CYFIP2: variants seen among roughly 807,000 people sequenced by gnomAD.
CYFIP2 encodes cytoplasmic FMR1 interacting protein 2.
CYFIP2 carries 29 observed loss-of-function variants against 158.7 expected under a neutral mutation model. That is an observed-to-expected ratio of 0.18 (90% CI 0.14 to 0.25). The LOEUF is 0.25. CYFIP2 is among the 10% of genes least tolerant of loss of function. The pLI is 1.00. For missense variants in CYFIP2, 852 were observed against 1,639.5 expected (o/e 0.52, Z 8.29); for synonymous variants, 585 against 617.6 (o/e 0.95, Z 0.78).
intron 1 of CYFIP2, among the ~76,000 whole-genome samples, chr5:157,272,712 A>G (rs1756209814): frequency 6.6e-6 from 1 of 152,132 alleles, no homozygotes; most frequent in African/African-American, 2.4e-5. Flanking sequence ...GAAGAGCTCT[A>G]TTTTAACCTA....
intron 22 of CYFIP2, among the ~76,000 whole-genome samples, chr5:157,339,691 A>G (rs934855850): frequency 6.6e-6 from 1 of 152,220 alleles, no homozygotes; most frequent in Non-Finnish European, 1.5e-5. Context: ...TAACAGTACC[A>G]CCTATTCCAG....
At position 157,393,761 on chromosome 5, in the gene CYFIP2, G is replaced by A. The variant is rs1561798270; in HGVS notation, c.*761G>A. The A allele has an allele frequency of 6.6e-6, 1 of 152,220 alleles. No individual in the cohort carries two copies. Among genetic ancestry groups the A allele is most frequent in the South Asian group, 2.1e-4 (1 of 4,828 alleles). 9.4% of individuals were successfully genotyped at this position (152,220 alleles called of 1,614,324 possible). On this transcript the variant is annotated 3_prime_UTR_variant, in exon 31 of 31. Coordinates refer to ENST00000620254, the MANE Select transcript of CYFIP2 (RefSeq NM_001037333.3). ...CATCTCAGCTGCTTGATGGTGAGAT[G>A]GTTCCCTTATTCCTTCAGGAAAGGC...
chr5:157,273,884 C>T (rs1461036757), intron 1 of CYFIP2, among the ~76,000 whole-genome samples: 2 of 152,076 alleles, frequency 1.3e-5, no homozygotes, highest in African/African-American at 4.8e-5. Context: ...TCTGTAACCC[C>T]AGCACTTTGG....
At chr5:157,331,012 A>G (rs1761416238) in intron 20 of CYFIP2, among the ~76,000 whole-genome samples, 162 bp downstream of exon 20, 1 of 152,106 alleles carries the variant, frequency 6.6e-6, no homozygotes, top group Non-Finnish European at 1.5e-5. Flanking sequence ...TCTCATAAAC[A>G]ATAAAGAGGC....
intron 7 of CYFIP2, 129 bp downstream of exon 7, chr5:157,303,019 T>A: frequency 1.4e-6 from 1 of 702,700 alleles, no homozygotes; most frequent in Non-Finnish European, 2.4e-6. Flanking sequence ...CTGCCCTACT[T>A]GAGAGTGAAA....
intron 28 of CYFIP2, 131 bp from the exon 29 acceptor site, chr5:157,389,058 C>T: frequency 1.3e-6 from 1 of 789,794 alleles, no homozygotes; most frequent in Non-Finnish European, 2.0e-6. Flanking sequence ...TTGTGCCCTG[C>T]TCTGAACAAG....
intron 26 of CYFIP2, chr5:157,363,777 A>ATAGGTGC (rs1490881404): frequency 6.6e-6 from 1 of 152,298 alleles, no homozygotes; most frequent in Non-Finnish European, 1.5e-5. Flanking sequence ...CTTGGAGGCA[A>ATAGGTGC]TAGGTGCTTG....
chr5:157,287,178 C>A (rs1052078915), intron 3 of CYFIP2, 70 bp downstream of exon 3: 8 of 1,251,978 alleles, frequency 6.4e-6, no homozygotes, highest in Non-Finnish European at 9.3e-6. Context: ...GGCAGCTTCT[C>A]ACACCAGAGG....
In CYFIP2 at chr5:157,286,964, C is replaced by T. The variant is rs1757443585; in HGVS notation, c.118-55C>T. The T allele has an allele frequency of 5.4e-6, 8 of 1,472,702 alleles. No homozygotes were observed. In the East Asian group the frequency reaches 1.9e-4, roughly 35 times the overall value. The allele number at this position is 1,472,702 out of a possible 1,614,324, so 91.2% of individuals were successfully genotyped here. A position where few individuals can be genotyped will look rare whatever the true frequency, so the allele number is the denominator to read the frequency against. On this transcript the variant is annotated intron_variant, in intron 2 of 30. Coordinates refer to ENST00000620254, the MANE Select transcript of CYFIP2 (RefSeq NM_001037333.3). The stretch of plus-strand genomic sequence containing the variant: ...AGCAGTTTGCCCTCTGGACACCCAG[C>T]CAACTTGGAACTGTTTTCTAACAAC...
Position 157,320,814 on chromosome 5 carries a change from C to T in CYFIP2, c.1671+12C>T. On this transcript the variant is annotated intron_variant, in intron 15 of 30. Coordinates refer to ENST00000620254, the MANE Select transcript of CYFIP2 (RefSeq NM_001037333.3). ...CATCCAGCACACAGGTAAGCGGCTC[C>T]AGGCACAGGCCAGCTGCGTTGACTC... 1 of 1,557,792 alleles carries T rather than the reference C, an allele frequency of 6.4e-7. No individual in the cohort carries two copies. The highest frequency in any genetic ancestry group is 1.4e-5 in the African/African-American group (1 of 73,284).
intron 13 of CYFIP2, among the ~76,000 whole-genome samples, chr5:157,317,249 T>G (rs1368256141): frequency 6.6e-6 from 1 of 152,166 alleles, no homozygotes; most frequent in African/African-American, 2.4e-5. Flanking sequence ...TGGGAGGTTT[T>G]ATCATTTTTA....
At chr5:157,351,461 C>A (rs1763065868) in intron 23 of CYFIP2, among the ~76,000 whole-genome samples, 1 of 152,190 alleles carries the variant, frequency 6.6e-6, no homozygotes, top group Non-Finnish European at 1.5e-5. Context: ...CAGTAAAACT[C>A]ATACAACTCA....
chr5:157,307,190 A>C (rs989127423), intron 8 of CYFIP2, among the ~76,000 whole-genome samples: 2 of 152,180 alleles, frequency 1.3e-5, no homozygotes, highest in African/African-American at 4.8e-5. Flanking sequence ...AAACATTTAC[A>C]TTGTCCTTTC....
intron 15 of CYFIP2, among the ~76,000 whole-genome samples, chr5:157,322,600 A>G (rs1292425513): frequency 1.3e-5 from 2 of 152,112 alleles, no homozygotes; most frequent in Non-Finnish European, 2.9e-5. Flanking sequence ...AGGGCTGCAG[A>G]TGGGGGACTG....
Position 157,296,573 on chromosome 5 carries a change from A to C in CYFIP2, c.286-100A>C, listed in dbSNP as rs888511674. The C allele has an allele frequency of 1.8e-5, 20 of 1,111,762 alleles. No individual in the cohort carries two copies. In the Admixed American group the frequency reaches 3.5e-4, roughly 19 times the overall value. The allele number at this position is 1,111,762 out of a possible 1,614,324, so 68.9% of individuals were successfully genotyped here. On this transcript the variant is annotated intron_variant, in intron 4 of 30. Transcript: ENST00000620254. ...CATGCCACTGCACTCTAGCCTGGAC[A>C]ACAGAGCAAGACCCTGTCTCAAAAA... is the stretch of plus-strand genomic sequence containing the variant.
chr5:157,311,845 C>A lies in CYFIP2; in HGVS notation c.1110+64C>A. 1 of 1,444,334 alleles carries A rather than the reference C, an allele frequency of 6.9e-7. No individual in the cohort carries two copies. The highest frequency in any genetic ancestry group is 9.5e-7 in the Non-Finnish European group (1 of 1,051,506). The allele number at this position is 1,444,334 out of a possible 1,614,324, so 89.5% of individuals were successfully genotyped here. On this transcript the variant is annotated intron_variant, in intron 11 of 30. Coordinates refer to ENST00000620254, the MANE Select transcript of CYFIP2 (RefSeq NM_001037333.3). The surrounding 1 kb of genome is among the most constrained non-coding windows in gnomAD (Gnocchi z 4.7). ...CAGGGCCAGAAGGGGTAAGGAGCAG[C>A]CAGGAAAGAACATGGACCCACGGAA...
At chr5:157,322,769 C>T (rs910256185) in intron 15 of CYFIP2, among the ~76,000 whole-genome samples, 1 of 152,236 alleles carries the variant, frequency 6.6e-6, no homozygotes, top group Non-Finnish European at 1.5e-5. Flanking sequence ...AAGACGAACG[C>T]GGTTGCTGGG....
chr5:157,301,632 TAAG>T (rs1333355545), intron 6 of CYFIP2, among the ~76,000 whole-genome samples: 5 of 152,236 alleles, frequency 3.3e-5, no homozygotes, highest in East Asian at 1.9e-4. Flanking sequence ...TGCCAGCTCT[TAAG>T]AAGAAGAAGG....
chr5:157,304,204 C>G, intron 7 of CYFIP2, 34 bp from the exon 8 acceptor site: 1 of 1,597,294 alleles, frequency 6.3e-7, no homozygotes, highest in South Asian at 1.1e-5. Flanking sequence ...AGGATACATG[C>G]GCTGCCTAAC....
Sources: gnomAD v4.1 joint callset for allele counts (sites outside exome capture counted in the v4.1 genomes callset) on GRCh38, gnomAD v4.1.1 for gene constraint, Gnocchi (gnomAD v3.1) non-coding constraint, MANE v1.5 for transcripts, NCBI Gene and HGNC (gene_info 2026-07-23, HGNC 2026-07-21) for gene names.